Variants in PPARG observed in about 807,000 individuals in gnomAD.
The protein encoded by PPARG is peroxisome proliferator-activated receptor gamma.
Under a neutral mutation model 39.2 loss-of-function variants are expected in PPARG, and 17 were observed. The ratio of observed to expected loss-of-function variants is 0.43; its 90% CI spans 0.30 to 0.65. The LOEUF (loss-of-function observed/expected upper bound fraction) is 0.65. Ranked by LOEUF, PPARG falls within the 30% of genes least tolerant of loss-of-function variation. The pLI is 0.13. For synonymous variants in PPARG, 223 were observed against 215.7 expected (o/e 1.03, Z -0.30); for missense variants, 406 against 585.9 (o/e 0.69, Z 3.17).
chr3:12,331,276 G>A (rs2047851777), intron 2 of PPARG, among the ~76,000 whole-genome samples: 1 of 152,156 alleles, frequency 6.6e-6, no homozygotes, highest in Non-Finnish European at 1.5e-5. Flanking sequence ...GATGAGTTAA[G>A]TTACTGTGAG....
intron 1 of PPARG, among the ~76,000 whole-genome samples, chr3:12,292,666 T>C (rs180733233): frequency 2.0e-5 from 3 of 152,284 alleles, no homozygotes; most frequent in East Asian, 3.9e-4. Context: ...TTGATACATA[T>C]TGTTGTGAAG....
At chr3:12,431,150 C>T (rs540375350) in intron 7 of PPARG, among the ~76,000 whole-genome samples, 5 of 151,568 alleles carry the variant, frequency 3.3e-5, no homozygotes, top group African/African-American at 1.2e-4. Flanking sequence ...CTGAGAAAAC[C>T]TTATAATCTA....
At chr3:12,349,983 A>C (rs1443537860) in intron 2 of PPARG, among the ~76,000 whole-genome samples, 1 of 152,206 alleles carries the variant, frequency 6.6e-6, no homozygotes, top group Non-Finnish European at 1.5e-5. Context: ...TGAGGACATG[A>C]GGACAGGTGG....
At position 12,434,056 on chromosome 3, in the gene PPARG, C is replaced by T; in HGVS notation, c.1339C>T (p.His447Tyr). The T allele has an allele frequency of 6.2e-7, 1 of 1,614,212 alleles. No homozygotes were observed. The highest frequency in any genetic ancestry group is 8.5e-7 in the Non-Finnish European group (1 of 1,180,046). Residue 447 changes from histidine to tyrosine, a missense_variant, in exon 8 of 8, where the codon CAC becomes TAC. This residue lies in a region of PPARG where 275 missense variants were observed against 458.0 expected (regional missense o/e 0.60). Transcript: ENST00000651735. The surrounding 1 kb of genome is among the most constrained non-coding windows in gnomAD (Gnocchi z 4.2). ...AGACCTCAGACAGATTGTCACGGAA[C>T]ACGTGCAGCTACTGCAGGTGATCAA... ...MTDLRQIVTE[H>Y]VQLLQVIKKT...
intron 5 of PPARG, among the ~76,000 whole-genome samples, chr3:12,400,237 C>A (rs191166441): frequency 1.5e-4 from 23 of 152,088 alleles, no homozygotes; most frequent in African/African-American, 5.1e-4. Flanking sequence ...TTTAATTAAC[C>A]TTAGTAATTA....
intron 1 of PPARG, among the ~76,000 whole-genome samples, chr3:12,309,203 A>G (rs1299906137): frequency 6.6e-6 from 1 of 152,190 alleles, no homozygotes; most frequent in East Asian, 1.9e-4. Context: ...ACTGATTGTA[A>G]AGTTTGAGAT....
At chr3:12,405,822 G>A in intron 5 of PPARG, 60 bp from the exon 6 acceptor site, 2 of 1,531,502 alleles carry the variant, frequency 1.3e-6, no homozygotes, top group South Asian at 1.1e-5. Flanking sequence ...GGAGAGCACA[G>A]TGTGTGTTCA....
chr3:12,375,162 G>C (rs1208868617), intron 2 of PPARG, among the ~76,000 whole-genome samples: 1 of 151,990 alleles, frequency 6.6e-6, no homozygotes, highest in African/African-American at 2.4e-5. Flanking sequence ...TGAGCCAGGA[G>C]GACCACTTGA....
In PPARG at chr3:12,430,726, G is replaced by C. The variant is rs1338199991; in HGVS notation, c.1181-3172G>C. On this transcript the variant is annotated intron_variant, in intron 7 of 7. Transcript: ENST00000651735. ...CAGAGAAAGGAGATGAGATGAACAG[G>C]AGAGAGGAAGGGATACTGTTGAGGA... Among the ~76,000 whole-genome samples, 3 of 152,174 alleles carry C rather than the reference G, an allele frequency of 2.0e-5. 1 individual carries two copies. The highest frequency in any genetic ancestry group is 4.4e-5 in the Non-Finnish European group (3 of 68,020).
At chr3:12,424,638 A>T (rs1314458742) in intron 7 of PPARG, among the ~76,000 whole-genome samples, 1 of 152,168 alleles carries the variant, frequency 6.6e-6, no homozygotes, top group African/African-American at 2.4e-5. Context: ...AAAACCCAGC[A>T]CTGGTTCAAA....
intron 6 of PPARG, among the ~76,000 whole-genome samples, chr3:12,413,523 AT>A (rs1393998982): frequency 1.3e-5 from 2 of 152,302 alleles, no homozygotes; most frequent in East Asian, 3.9e-4. Flanking sequence ...AAAAGCTGGA[AT>A]GGGGCCGGGC....
intron 7 of PPARG, among the ~76,000 whole-genome samples, chr3:12,418,764 CA>C (rs1271809358): frequency 1.3e-5 from 2 of 152,180 alleles, no homozygotes; most frequent in Admixed American, 6.5e-5. Flanking sequence ...CATGCTGGCT[CA>C]GACTCTACAC....
chr3:12,407,423 A>C (rs1163391194), intron 6 of PPARG, among the ~76,000 whole-genome samples: 1 of 152,082 alleles, frequency 6.6e-6, no homozygotes, highest in Admixed American at 6.6e-5. Flanking sequence ...TGCCTCCCAA[A>C]GTGCTGGGAT....
intron 6 of PPARG, among the ~76,000 whole-genome samples, chr3:12,408,234 G>A (rs1157849906): frequency 1.3e-5 from 2 of 152,144 alleles, no homozygotes; most frequent in Admixed American, 1.3e-4. Context: ...AGAACAGTAG[G>A]AATTCTTCAC....
At chr3:12,362,382 G>A (rs950618009) in intron 2 of PPARG, among the ~76,000 whole-genome samples, 2 of 152,068 alleles carry the variant, frequency 1.3e-5, no homozygotes, top group African/African-American at 4.8e-5. Flanking sequence ...AGCCAGGCAT[G>A]GTGGCATGCC....
chr3:12,314,115 A>G (rs893154318), intron 2 of PPARG, among the ~76,000 whole-genome samples: 1 of 152,090 alleles, frequency 6.6e-6, no homozygotes, highest in Admixed American at 6.6e-5. Flanking sequence ...CATCTCTACT[A>G]AAAATATAAA....
intron 2 of PPARG, among the ~76,000 whole-genome samples, chr3:12,376,902 G>C (rs1455685761): frequency 1.3e-5 from 2 of 152,164 alleles, no homozygotes; most frequent in Non-Finnish European, 2.9e-5. Flanking sequence ...GAATCCTGGA[G>C]TTTATGAGCA....
At chr3:12,415,921 A>G (rs1258990634) in intron 6 of PPARG, among the ~76,000 whole-genome samples, 2 of 152,266 alleles carry the variant, frequency 1.3e-5, no homozygotes, top group East Asian at 1.9e-4. Context: ...AAGGAAAAGG[A>G]AAAAGAAATT....
rs773477350 is a variant in PPARG at position 12,351,707 on chromosome 3, C to T, written c.-8-27997C>T. The T allele has an allele frequency of 3.8e-5, 58 of 1,524,938 alleles. No individual in the cohort carries two copies. The Middle Eastern group carries it at 8.5e-4, about 22-fold the overall frequency. 94.5% of individuals were successfully genotyped at this position (1,524,938 alleles called of 1,614,324 possible). A position where few individuals can be genotyped will look rare whatever the true frequency, so the allele number is the denominator to read the frequency against. On this transcript the variant is annotated intron_variant, in intron 2 of 7. Transcript: ENST00000651735. ...TCCTTCCAGATACGGCTATTGGGGA[C>T]GTGGGGGCATTTATGTAAGGGTAAA...
Sources: gnomAD v4.1 joint callset for allele counts (sites outside exome capture counted in the v4.1 genomes callset) on GRCh38, gnomAD v4.1.1 for gene constraint, gnomAD v4.1.1 regional missense constraint, Gnocchi (gnomAD v3.1) non-coding constraint, MANE v1.5 for transcripts, NCBI Gene and HGNC (gene_info 2026-07-23, HGNC 2026-07-21) for gene names.